The following UBQLN4 variants were observed in gnomAD, a reference collection of about 807,000 sequenced individuals.
UBQLN4 encodes the protein ubiquilin 4.
In UBQLN4, 11 loss-of-function variants were observed where a neutral mutation model predicts 60.4. The observed-to-expected ratio is 0.18, with a 90% CI of 0.11 to 0.30. The LOEUF (loss-of-function observed/expected upper bound fraction) is 0.30, where lower values mean the gene tolerates loss of function less well. Among genes scored for constraint, UBQLN4 ranks in the 10% least tolerant of loss-of-function variants. The pLI, the probability that UBQLN4 is intolerant of heterozygous loss-of-function variation, is 1.00. For missense variants in UBQLN4, 417 were observed against 795.5 expected, an observed-to-expected ratio of 0.52 and a Z score of 5.72; for synonymous variants, 258 against 313.1, an observed-to-expected ratio of 0.82 and a Z score of 1.86.
At chr1:156,038,458 G>C (rs890677713) in intron 10 of UBQLN4, among the ~76,000 whole-genome samples, 1 of 150,946 alleles carries the variant, frequency 6.6e-6, no homozygotes, top group African/African-American at 2.4e-5. Context: ...TCAGGAGTTC[G>C]AGACCAGACT....
At chr1:156,047,478 C>T (rs559455202) in intron 5 of UBQLN4, among the ~76,000 whole-genome samples, 13 of 151,456 alleles carry the variant, frequency 8.6e-5, no homozygotes, top group South Asian at 4.2e-4. Flanking sequence ...CTCCTGACCT[C>T]GTGATCCGCC....
downstream of UBQLN4, among the ~76,000 whole-genome samples, chr1:156,032,626 G>A (rs1265902850): frequency 7.2e-5 from 11 of 152,016 alleles, no homozygotes; most frequent in African/African-American, 9.6e-5. Flanking sequence ...CGTGTCTTCC[G>A]GGCCAGGACA....
intron 10 of UBQLN4, among the ~76,000 whole-genome samples, chr1:156,038,617 A>G (rs1409019761): frequency 6.6e-6 from 1 of 152,144 alleles, no homozygotes; most frequent in African/African-American, 2.4e-5. Context: ...AGACTGTGCC[A>G]TAACACTCCA....
chr1:156,036,939 A>C lies in UBQLN4; in HGVS notation c.*39T>G. 2.5e-6 allele frequency: 4 copies of C among 1,603,296 alleles called. No homozygotes were observed. Among genetic ancestry groups the C allele is most frequent in the Non-Finnish European group, 3.4e-6 (4 of 1,174,972 alleles). ...ATTGACAGAAGAACCGAATGCTGAC[A>C]TCGAGGGAGGGGAGAGGCAGGAGGC... On this transcript the variant is annotated 3_prime_UTR_variant, in exon 11 of 11. Transcript: ENST00000368309.
downstream of UBQLN4, among the ~76,000 whole-genome samples, chr1:156,032,316 T>C (rs1273285399): frequency 5.3e-5 from 8 of 150,600 alleles, no homozygotes; most frequent in Non-Finnish European, 1.2e-4. Flanking sequence ...TGAGTCTTTA[T>C]TTAACCTAAA....
chr1:156,042,955 C>T (rs1321743425), intron 6 of UBQLN4, 42 bp from the exon 7 acceptor site: 2 of 1,601,640 alleles, frequency 1.2e-6, no homozygotes, highest in Admixed American at 3.5e-5. Flanking sequence ...GAGAAAGGGT[C>T]CAGATGGAAA....
intron 1 of UBQLN4, among the ~76,000 whole-genome samples, 161 bp downstream of exon 1, chr1:156,053,433 C>A (rs1232939822): frequency 1.3e-5 from 2 of 151,614 alleles, no homozygotes; most frequent in African/African-American, 4.8e-5. Flanking sequence ...CCTCGCAGGG[C>A]GCCCCCTACC....
chr1:156,047,752 G>A (rs981636149), intron 5 of UBQLN4, among the ~76,000 whole-genome samples: 9 of 150,930 alleles, frequency 6.0e-5, no homozygotes, highest in South Asian at 2.1e-4. Flanking sequence ...AAAGTTAGCC[G>A]GGCGTGGTGG....
At chr1:156,031,740 G>A (rs1451243112), downstream of UBQLN4, among the ~76,000 whole-genome samples, 2 of 151,968 alleles carry the variant, frequency 1.3e-5, no homozygotes, top group African/African-American at 4.8e-5. Flanking sequence ...CACCAGGCCT[G>A]GCTAATTTTT....
chr1:156,051,933 A>C, intron 1 of UBQLN4, 76 bp from the exon 2 acceptor site: 1 of 1,569,386 alleles, frequency 6.4e-7, no homozygotes, highest in Non-Finnish European at 8.7e-7. Flanking sequence ...CTTTTTCAAC[A>C]CCTTCTGCAC....
intron 1 of UBQLN4, among the ~76,000 whole-genome samples, chr1:156,052,414 T>A (rs1683896927): frequency 6.6e-6 from 1 of 152,190 alleles, no homozygotes; most frequent in Non-Finnish European, 1.5e-5. Context: ...GTAACCTCCA[T>A]CTTCCGGGTT....
At position 156,035,385 on chromosome 1, in the gene UBQLN4, C is replaced by A; in HGVS notation, c.*1593G>T. 2 of 985,074 alleles carry A rather than the reference C, an allele frequency of 2.0e-6. No individual in the cohort carries two copies. Among genetic ancestry groups the A allele is most frequent in the Middle Eastern group, 5.2e-4 (1 of 1,914 alleles). 61.0% of individuals were successfully genotyped at this position (985,074 alleles called of 1,614,324 possible). ...GGAGGGAAAGCCACACAGACATCTT[C>A]TCTGGACTGCTTGGGACCCTTTCCC... On this transcript the variant is annotated 3_prime_UTR_variant, in exon 11 of 11. Transcript: ENST00000368309.
chr1:156,034,841 A>C (rs1322270948), downstream of UBQLN4, among the ~76,000 whole-genome samples: 2 of 64,972 alleles, frequency 3.1e-5, no homozygotes, highest in East Asian at 5.2e-4. Flanking sequence ...ATATATATAT[A>C]TATATATATA....
chr1:156,045,800 G>A (rs1186170857), intron 5 of UBQLN4, among the ~76,000 whole-genome samples: 3 of 151,876 alleles, frequency 2.0e-5, no homozygotes, highest in Non-Finnish European at 4.4e-5. Flanking sequence ...TGTTTGTTTT[G>A]GAAAATAAAG....
At position 156,041,469 on chromosome 1, in the gene UBQLN4, C is replaced by A; in HGVS notation, c.1653+16G>T. 1 of 1,549,600 alleles carries A rather than the reference C, an allele frequency of 6.5e-7. No homozygotes were observed. The highest frequency in any genetic ancestry group is 1.9e-5 in the Admixed American group (1 of 52,622). The stretch of plus-strand genomic sequence containing the variant: ...AAAGTGGTGCTCCCAGCACCTGCCC[C>A]CACTGCCTCATGTACCTGTGAGTTT... On this transcript the variant is annotated intron_variant, in intron 10 of 10. Transcript: ENST00000368309.
chr1:156,034,823 T>TTATA (rs1558083065), downstream of UBQLN4, among the ~76,000 whole-genome samples: 17 of 35,866 alleles, frequency 4.7e-4, no homozygotes, highest in African/African-American at 1.0e-3. Flanking sequence ...TCCCTTAACC[T>TTATA]TCTATATATA....
At chr1:156,042,358 T>C in intron 7 of UBQLN4, 122 bp from the exon 8 acceptor site, 1 of 1,441,786 alleles carries the variant, frequency 6.9e-7, no homozygotes, top group Non-Finnish European at 9.1e-7. Flanking sequence ...TCTCCGGGGA[T>C]CTCAAAGTAT....
At chr1:156,051,603 G>A in intron 2 of UBQLN4, 103 bp downstream of exon 2, 1 of 1,530,872 alleles carries the variant, frequency 6.5e-7, no homozygotes, top group African/African-American at 1.4e-5. Context: ...CTACCTGCCT[G>A]GGCCTCAGCT....
intron 2 of UBQLN4, 139 bp downstream of exon 2, chr1:156,051,567 G>C: frequency 7.7e-7 from 1 of 1,304,268 alleles, no homozygotes; most frequent in Non-Finnish European, 1.1e-6. Flanking sequence ...CCTTCCCCTA[G>C]AGATGAGATC....
Sources: allele counts gnomAD v4.1 joint callset (sites outside exome capture counted in the v4.1 genomes callset), GRCh38; gene constraint gnomAD v4.1.1; transcripts MANE v1.5; gene names NCBI Gene and HGNC (gene_info 2026-07-23, HGNC 2026-07-21).